The following RORA variants were observed in gnomAD, a reference collection of about 807,000 sequenced individuals.
The protein encoded by RORA is RAR related orphan receptor A, also known as nuclear receptor ROR-alpha.
RORA carries 7 observed loss-of-function variants against 69.5 expected under a neutral mutation model. That is an observed-to-expected ratio of 0.10 (90% CI 0.06 to 0.19). RORA has a LOEUF of 0.19. Ranked by LOEUF, RORA falls within the 10% of genes least tolerant of loss-of-function variation. The probability of loss-of-function intolerance (pLI) is 1.00; values close to 1 mark genes in which losing one functional copy is unlikely to be tolerated. For missense variants in RORA, 457 were observed against 663.0 expected, an observed-to-expected ratio of 0.69 and a Z score of 3.41; for synonymous variants, 261 against 240.8, an observed-to-expected ratio of 1.08 and a Z score of -0.78.
intron 1 of RORA, among the ~76,000 whole-genome samples, chr15:60,858,906 G>A (rs2073408562): frequency 6.6e-6 from 1 of 151,922 alleles, no homozygotes; most frequent in Non-Finnish European, 1.5e-5. Flanking sequence ...GCAGCCGAAA[G>A]AAGGCCCGGT....
At chr15:60,729,475 C>T (rs2071403280) in intron 1 of RORA, among the ~76,000 whole-genome samples, 2 of 152,158 alleles carry the variant, frequency 1.3e-5, no homozygotes, top group Non-Finnish European at 2.9e-5. Flanking sequence ...AGGACAAATC[C>T]ATTTATGTAC....
chr15:60,793,432 C>T (rs529978916), intron 1 of RORA, among the ~76,000 whole-genome samples: 87 of 152,286 alleles, frequency 5.7e-4, no homozygotes, highest in Middle Eastern at 3.4e-3. Flanking sequence ...AGCCACAATA[C>T]ATGTGCTCTG....
At chr15:61,133,253 C>G (rs1028059604) in intron 1 of RORA, among the ~76,000 whole-genome samples, 6 of 152,058 alleles carry the variant, frequency 3.9e-5, no homozygotes, top group African/African-American at 1.4e-4. Flanking sequence ...ACTGCTAATG[C>G]CCTGTGGGGG....
At chr15:61,212,755 G>A (rs1002356998) in intron 1 of RORA, among the ~76,000 whole-genome samples, 1 of 152,092 alleles carries the variant, frequency 6.6e-6, no homozygotes, top group Non-Finnish European at 1.5e-5. Context: ...ACTTTTGTGA[G>A]AGACTTTTCT....
rs149266159 is a variant in RORA, at chr15:60,766,000, G to A, written c.167-87314C>T. On this transcript the variant is annotated intron_variant, in intron 1 of 10. Coordinates refer to ENST00000335670, the MANE Select transcript of RORA (RefSeq NM_134261.3). ...CTTTCCTTCTTAAAAGAAGGAATTC[G>A]CCTGCAGTGTCTGTAATTTAGAAGG... is the stretch of plus-strand genomic sequence containing the variant. Among the ~76,000 whole-genome samples the A allele has an allele frequency of 4.1e-3, 627 of 152,196 alleles. 2 individuals carry two copies. Among genetic ancestry groups the A allele is most frequent in the African/African-American group, 0.014 (593 of 41,526 alleles).
At chr15:60,912,054 C>T (rs1298786378) in intron 1 of RORA, among the ~76,000 whole-genome samples, 1 of 152,046 alleles carries the variant, frequency 6.6e-6, no homozygotes, top group African/African-American at 2.4e-5. Flanking sequence ...AGAAAGGGCA[C>T]AACAGGCATA....
chr15:60,926,973 C>T (rs1042792632), intron 1 of RORA, among the ~76,000 whole-genome samples: 1 of 152,158 alleles, frequency 6.6e-6, no homozygotes, highest in Non-Finnish European at 1.5e-5. Flanking sequence ...TCTGTGCTTC[C>T]TATTTTTCTT....
chr15:60,660,258 G>A lies in RORA; in HGVS notation c.196+18399C>T, dbSNP rs532697814. Among the ~76,000 whole-genome samples, 4 of 152,298 alleles carry A rather than the reference G, an allele frequency of 2.6e-5. No homozygotes were observed. In the South Asian group the frequency reaches 8.3e-4, roughly 32 times the overall value. On this transcript the variant is annotated intron_variant, in intron 2 of 10. Transcript: ENST00000335670. ...GCTTCATCGCAATATTATTTGAAAT[G>A]TCTTATTCTATGAATCAGATATAAA...
chr15:60,944,569 G>GA lies in RORA; in HGVS notation c.167-265884dup, dbSNP rs200088799. ...CCATCTCTACCACAAATACAAAAAA[G>GA]AAAAAAATGGCCAGGTGTGGTGGCA... On this transcript the variant is annotated intron_variant, in intron 1 of 10. Transcript: ENST00000335670. Among the ~76,000 whole-genome samples the GA allele has an allele frequency of 5.5e-3, 835 of 151,468 alleles. 4 individuals are homozygous for GA. Among genetic ancestry groups the GA allele is most frequent in the Middle Eastern group, 0.01 (3 of 294 alleles).
At chr15:60,692,795 C>G (rs1425611265) in intron 1 of RORA, among the ~76,000 whole-genome samples, 3 of 152,126 alleles carry the variant, frequency 2.0e-5, no homozygotes. Flanking sequence ...TTCAATCTCT[C>G]TAAAACTGTG....
intron 1 of RORA, among the ~76,000 whole-genome samples, chr15:61,220,795 T>C (rs1404917231): frequency 6.6e-6 from 1 of 152,204 alleles, no homozygotes; most frequent in Non-Finnish European, 1.5e-5. Flanking sequence ...TTTCCTCTTT[T>C]CATTGCCCTT....
chr15:60,936,415 G>A (rs1030619118), intron 1 of RORA, among the ~76,000 whole-genome samples: 14 of 152,222 alleles, frequency 9.2e-5, no homozygotes, highest in Non-Finnish European at 2.1e-4. Flanking sequence ...CACGTTTCCA[G>A]AAACAGCCTG....
intron 1 of RORA, among the ~76,000 whole-genome samples, chr15:60,808,418 T>C (rs2072689207): frequency 6.6e-6 from 1 of 152,064 alleles, no homozygotes. Flanking sequence ...AAAATAGATG[T>C]TAGTGCTGAT....
chr15:61,087,946 G>A (rs954706434), intron 1 of RORA, among the ~76,000 whole-genome samples: 6 of 152,212 alleles, frequency 3.9e-5, no homozygotes, highest in African/African-American at 1.2e-4. Flanking sequence ...GTCATTTCTC[G>A]ATGTGCTCAG....
intron 1 of RORA, among the ~76,000 whole-genome samples, chr15:61,163,607 C>G (rs1447204206): frequency 6.6e-6 from 1 of 152,142 alleles, no homozygotes; most frequent in Non-Finnish European, 1.5e-5. Context: ...AAATTGAGAC[C>G]AGATACGTGC....
chr15:60,636,029 A>G (rs2069833081), intron 2 of RORA, among the ~76,000 whole-genome samples: 1 of 152,160 alleles, frequency 6.6e-6, no homozygotes, highest in Non-Finnish European at 1.5e-5. Context: ...CATTTTTAAA[A>G]TGCCGAAAGC....
chr15:60,497,391 A>T lies in RORA; in HGVS notation c.*64T>A. The T allele has an allele frequency of 1.4e-6, 2 of 1,473,250 alleles. No individual in the cohort carries two copies. Among genetic ancestry groups the T allele is most frequent in the Non-Finnish European group, 1.9e-6 (2 of 1,059,546 alleles). The allele number at this position is 1,473,250 out of a possible 1,614,324, so 91.3% of individuals were successfully genotyped here. A position where few individuals can be genotyped will look rare whatever the true frequency, so the allele number is the denominator to read the frequency against. On this transcript the variant is annotated 3_prime_UTR_variant, in exon 11 of 11. Transcript: ENST00000335670. ...CAGGGCCATATAAAGTGTCTCGGTTAATTTTTTTGTTTGTTTTTCATGTTT... is the reference window on the plus strand; with the variant it reads ...CAGGGCCATATAAAGTGTCTCGGTTTATTTTTTTGTTTGTTTTTCATGTTT...
chr15:60,932,367 A>C lies in RORA; in HGVS notation c.167-253681T>G, dbSNP rs192712277. On this transcript the variant is annotated intron_variant, in intron 1 of 10. Transcript: ENST00000335670. ...GACCGTCCTAAAGAGAAACCATTAA[A>C]AACCATTAATTCCTTCAGATATCAC... Among the ~76,000 whole-genome samples, 75 of 152,280 alleles carry C rather than the reference A, an allele frequency of 4.9e-4. 1 individual carries two copies. The highest frequency in any genetic ancestry group is 6.8e-3 in the Middle Eastern group (2 of 294).
At chr15:61,122,522 G>A (rs367893937) in intron 1 of RORA, among the ~76,000 whole-genome samples, 6 of 152,212 alleles carry the variant, frequency 3.9e-5, no homozygotes, top group East Asian at 3.9e-4. Flanking sequence ...TAGTAAAGCC[G>A]TAATTTACAT....
Sources: gnomAD v4.1 joint callset for allele counts (sites outside exome capture counted in the v4.1 genomes callset) on GRCh38, gnomAD v4.1.1 for gene constraint, MANE v1.5 for transcripts, NCBI Gene and HGNC (gene_info 2026-07-23, HGNC 2026-07-21) for gene names.